Variants in CENPK observed in about 807,000 individuals in gnomAD.
CENPK encodes centromere protein K.
A neutral mutation model predicts 40.9 loss-of-function variants in CENPK; 46 were observed. The observed-to-expected ratio is 1.13, with a 90% CI of 0.89 to 1.44. CENPK has a LOEUF of 1.44. Ranked by LOEUF, CENPK falls within the 40% of genes most tolerant of loss-of-function variation. The pLI, the probability that CENPK is intolerant of heterozygous loss-of-function variation, is 0.00. For missense variants in CENPK, 288 were observed against 303.5 expected (o/e 0.95, Z 0.38); for synonymous variants, 107 against 104.4 (o/e 1.02, Z -0.15).
intron 6 of CENPK, among the ~76,000 whole-genome samples, chr5:65,537,503 G>A (rs962311267): frequency 3.3e-5 from 5 of 151,956 alleles, no homozygotes; most frequent in Admixed American, 6.6e-5. Context: ...ACGGGGTTTC[G>A]CCGTGCTAGC....
chr5:65,517,303 C>T (rs1349103458), downstream of CENPK, among the ~76,000 whole-genome samples: 1 of 152,128 alleles, frequency 6.6e-6, no homozygotes, highest in African/African-American at 2.4e-5. Context: ...TAGTACTTCA[C>T]GGACAACAGT....
chr5:65,516,822 T>C (rs1023755626), downstream of CENPK, among the ~76,000 whole-genome samples: 2 of 152,188 alleles, frequency 1.3e-5, no homozygotes, highest in African/African-American at 4.8e-5. Context: ...TGAGTCAACA[T>C]GTCATAAAAT....
At chr5:65,510,089 A>C in the CENPK span, among the ~76,000 whole-genome samples, 1 of 152,240 alleles carries the variant, frequency 6.6e-6, no homozygotes, top group Non-Finnish European at 1.5e-5. Context: ...CTAAGTGTTC[A>C]GATGAAAGAA....
intron 6 of CENPK, among the ~76,000 whole-genome samples, chr5:65,537,875 A>C (rs1438245264): frequency 6.6e-6 from 1 of 152,192 alleles, no homozygotes; most frequent in African/African-American, 2.4e-5. Context: ...TGCTATGAAC[A>C]TTCATGTGTA....
intron 6 of CENPK, among the ~76,000 whole-genome samples, chr5:65,535,705 T>C (rs1044406130): frequency 6.6e-6 from 1 of 152,216 alleles, no homozygotes; most frequent in African/African-American, 2.4e-5. Flanking sequence ...CCTTTGTTCA[T>C]TGTAATGTTC....
At chr5:65,501,445 CTGGGATTATAGGCAGGAG>C in the CENPK span, among the ~76,000 whole-genome samples, 144 of 152,242 alleles carry the variant, frequency 9.5e-4, no homozygotes, top group East Asian at 0.026. Context: ...TCCCAAGATG[CTGGGATTATAGGCAGGAG>C]CCACTGCTCC....
At chr5:65,540,996 T>C (rs946605503) in intron 6 of CENPK, among the ~76,000 whole-genome samples, 2 of 151,568 alleles carry the variant, frequency 1.3e-5, no homozygotes, top group Admixed American at 1.3e-4. Context: ...AGATTTTTTA[T>C]TTTTTTTGTA....
intron 2 of CENPK, among the ~76,000 whole-genome samples, chr5:65,559,033 A>T (rs1751457898): frequency 6.6e-6 from 1 of 152,318 alleles, no homozygotes; most frequent in African/African-American, 2.4e-5. Context: ...AATTTTAAGG[A>T]GGTAGACAGT....
At chr5:65,549,892 T>C (rs13174535) in intron 5 of CENPK, among the ~76,000 whole-genome samples, 61,873 of 152,030 alleles carry the variant, frequency 0.41, 12,946 homozygotes, top group East Asian at 0.65. Context: ...TAGAGCAACA[T>C]CTTTAATTTC....
chr5:65,515,377 T>C (rs932295630), downstream of CENPK, among the ~76,000 whole-genome samples: 1 of 151,784 alleles, frequency 6.6e-6, no homozygotes, highest in African/African-American at 2.4e-5. Context: ...TAATTTTTTA[T>C]ATTTTAGTAG....
chr5:65,553,878 T>G (rs747945150), intron 3 of CENPK, among the ~76,000 whole-genome samples: 1 of 152,224 alleles, frequency 6.6e-6, no homozygotes, highest in Admixed American at 6.5e-5. Flanking sequence ...CCAAACCGCA[T>G]ATCTGATCAT....
chr5:65,553,034 C>T (rs1750368773), intron 3 of CENPK, among the ~76,000 whole-genome samples: 1 of 152,036 alleles, frequency 6.6e-6, no homozygotes, highest in Admixed American at 6.6e-5. Flanking sequence ...TGTAATGCAG[C>T]ATTTCTCTAT....
the CENPK span, among the ~76,000 whole-genome samples, chr5:65,496,774 C>G: frequency 1.3e-5 from 2 of 151,892 alleles, no homozygotes; most frequent in Non-Finnish European, 2.9e-5. Context: ...AATAAAAAGG[C>G]TGGGTGCGAT....
chr5:65,514,963 A>C (rs915723157), downstream of CENPK, among the ~76,000 whole-genome samples: 1 of 151,444 alleles, frequency 6.6e-6, no homozygotes, highest in African/African-American at 2.4e-5. Flanking sequence ...TTGTTATGGT[A>C]AAAGTTTTAT....
At position 65,518,441 on chromosome 5, in the gene CENPK, G is replaced by T. The variant is rs754847602; in HGVS notation, c.*34C>A. 2 of 1,586,868 alleles carry T rather than the reference G, an allele frequency of 1.3e-6. No homozygotes were observed. Among genetic ancestry groups the T allele is most frequent in the Non-Finnish European group, 1.7e-6 (2 of 1,167,916 alleles). On this transcript the variant is annotated 3_prime_UTR_variant, in exon 11 of 11. Transcript: ENST00000396679. ...TGGTTCCAATATCCTTGAATGATAA[G>T]AATTTTTACTGTGTGAAAAAAGAAA...
the CENPK span, among the ~76,000 whole-genome samples, chr5:65,506,234 AT>A: frequency 6.9e-6 from 1 of 144,384 alleles, no homozygotes; most frequent in Non-Finnish European, 1.5e-5. Flanking sequence ...AAAAAAAAAA[AT>A]TAGCATGGTG....
intron 2 of CENPK, among the ~76,000 whole-genome samples, chr5:65,559,550 A>G (rs1449536720): frequency 1.3e-5 from 2 of 148,924 alleles, no homozygotes; most frequent in Non-Finnish European, 1.5e-5. Flanking sequence ...AATGGCGTGA[A>G]CCCGGGAGGC....
Position 65,518,429 on chromosome 5 carries a change from C to T in CENPK, c.*46G>A. 1 of 1,569,198 alleles carries T rather than the reference C, an allele frequency of 6.4e-7. No individual in the cohort carries two copies. Among genetic ancestry groups the T allele is most frequent in the Non-Finnish European group, 8.7e-7 (1 of 1,153,856 alleles). ...CAAATAGTCCTGTGGTTCCAATATCCTTGAATGATAAGAATTTTTACTGTG... is the reference window on the plus strand; with the variant it reads ...CAAATAGTCCTGTGGTTCCAATATCTTTGAATGATAAGAATTTTTACTGTG... On this transcript the variant is annotated 3_prime_UTR_variant, in exon 11 of 11. Coordinates refer to ENST00000396679, the MANE Select transcript of CENPK (RefSeq NM_022145.5).
At chr5:65,531,358 AATT>A (rs1421671684) in intron 6 of CENPK, among the ~76,000 whole-genome samples, 3 of 152,192 alleles carry the variant, frequency 2.0e-5, no homozygotes, top group Non-Finnish European at 1.5e-5. Context: ...GAAAATAGGA[AATT>A]ATTATAACTG....
Sources: allele counts gnomAD v4.1 joint callset (sites outside exome capture counted in the v4.1 genomes callset), GRCh38; gene constraint gnomAD v4.1.1; transcripts MANE v1.5; gene names NCBI Gene and HGNC (gene_info 2026-07-23, HGNC 2026-07-21).